CADPS: variants seen among roughly 807,000 people sequenced by gnomAD.
CADPS encodes the protein calcium dependent secretion activator.
Under a neutral mutation model 167.3 loss-of-function variants are expected in CADPS, and 57 were observed. That is an observed-to-expected ratio of 0.34 (90% CI 0.28 to 0.42). The LOEUF is 0.42. CADPS is among the 20% of genes least tolerant of loss of function. The probability of loss-of-function intolerance (pLI) is 1.00; values close to 1 mark genes in which losing one functional copy is unlikely to be tolerated. For synonymous variants in CADPS, 676 were observed against 635.3 expected, an observed-to-expected ratio of 1.06 and a Z score of -0.96; for missense variants, 1,414 against 1,738.1, an observed-to-expected ratio of 0.81 and a Z score of 3.32.
rs180889064 is a variant in CADPS, at chr3:62,529,498, A to T, written c.2291+3373T>A. Among the ~76,000 whole-genome samples the T allele has an allele frequency of 5.0e-4, 76 of 152,320 alleles. 1 individual carries two copies. The highest frequency in any genetic ancestry group is 1.7e-3 in the African/African-American group (70 of 41,584). ...CGTCAGACCTCACCTTCAGGCACCT[A>T]CAACATTCTGCATGCACTTTCTTCC... is the stretch of plus-strand genomic sequence containing the variant. On this transcript the variant is annotated intron_variant, in intron 13 of 29. Coordinates refer to ENST00000383710, the MANE Select transcript of CADPS (RefSeq NM_003716.4).
At chr3:62,773,184 A>G (rs1245796690) in intron 1 of CADPS, among the ~76,000 whole-genome samples, 1 of 152,094 alleles carries the variant, frequency 6.6e-6, no homozygotes, top group East Asian at 1.9e-4. Context: ...TTATTAATAA[A>G]TAAAATATGC....
At chr3:62,850,524 G>A (rs559635011) in intron 1 of CADPS, among the ~76,000 whole-genome samples, 2,392 of 125,730 alleles carry the variant, frequency 0.019, 88 homozygotes, top group African/African-American at 0.065. Flanking sequence ...CCTTCATTTC[G>A]TTATGTACCC....
At chr3:62,657,136 A>C (rs2071831111) in intron 4 of CADPS, among the ~76,000 whole-genome samples, 1 of 152,204 alleles carries the variant, frequency 6.6e-6, no homozygotes, top group Non-Finnish European at 1.5e-5. Flanking sequence ...AGAGGATTCC[A>C]TTTGTATCTG....
chr3:62,411,131 C>G (rs2048879081), intron 28 of CADPS, among the ~76,000 whole-genome samples: 1 of 152,056 alleles, frequency 6.6e-6, no homozygotes, highest in South Asian at 2.1e-4. Context: ...AACAAACAAA[C>G]CCCACCTTTT....
At chr3:62,837,256 G>A (rs1359551756) in intron 1 of CADPS, among the ~76,000 whole-genome samples, 2 of 152,030 alleles carry the variant, frequency 1.3e-5, no homozygotes, top group African/African-American at 2.4e-5. Flanking sequence ...CCCCAAAATC[G>A]CACAGCTTGT....
Position 62,801,609 on chromosome 3 carries a change from TTAA to T in CADPS, c.442-35628_442-35626del, listed in dbSNP as rs554840435. Among the ~76,000 whole-genome samples, 69 of 152,296 alleles carry T rather than the reference TTAA, an allele frequency of 4.5e-4. 1 individual carries two copies. In the South Asian group the frequency reaches 7.7e-3, roughly 17 times the overall value. ...TGTTTTAAATCCAGCAAATTAGATATTAATGTTTGATTTTAATTTGATATTAAT... is the reference window on the plus strand; with the variant it reads ...TGTTTTAAATCCAGCAAATTAGATATTGTTTGATTTTAATTTGATATTAAT... On this transcript the variant is annotated intron_variant, in intron 1 of 29. Coordinates refer to ENST00000383710, the MANE Select transcript of CADPS (RefSeq NM_003716.4).
In CADPS at chr3:62,599,808, A is replaced by ATATAT. The variant is rs1562714926; in HGVS notation, c.1326-7061_1326-7060insATATA. 7.6e-3 allele frequency among the ~76,000 whole-genome samples: 47 copies of ATATAT among 6,146 alleles called. 1 individual carries two copies. The highest frequency in any genetic ancestry group is 8.6e-3 in the Non-Finnish European group (28 of 3,270). 4.0% of individuals were successfully genotyped at this position (6,146 alleles called of 152,430 possible). A position where few individuals can be genotyped will look rare whatever the true frequency, so the allele number is the denominator to read the frequency against. The stretch of plus-strand genomic sequence containing the variant: ...TATATAATATATATAATATATAATA[A>ATATAT]ATAATATATTATATATTATATATAT... On this transcript the variant is annotated intron_variant, in intron 6 of 29. Coordinates refer to ENST00000383710, the MANE Select transcript of CADPS (RefSeq NM_003716.4).
Position 62,544,448 on chromosome 3 carries a change from A to G in CADPS, c.1966+5455T>C, listed in dbSNP as rs1008180737. On this transcript the variant is annotated intron_variant, in intron 11 of 29. Transcript: ENST00000383710. The surrounding 1 kb of genome is among the most constrained non-coding windows in gnomAD (Gnocchi z 4.4). Reference sequence around the variant, plus strand: ...AAAAACAACAACAACAACAACAACAACAGCACATTATCAGAGTGCAAAATG... The same window carrying G: ...AAAAACAACAACAACAACAACAACAGCAGCACATTATCAGAGTGCAAAATG... Among the ~76,000 whole-genome samples, 1 of 152,222 alleles carries G rather than the reference A, an allele frequency of 6.6e-6. No individual in the cohort carries two copies.
intron 6 of CADPS, among the ~76,000 whole-genome samples, chr3:62,609,100 C>T (rs1008778833): frequency 6.6e-6 from 1 of 152,162 alleles, no homozygotes; most frequent in African/African-American, 2.4e-5. Context: ...TCTTTCAATG[C>T]ATTTGACAAT....
At chr3:62,847,090 G>C (rs1487862978) in intron 1 of CADPS, among the ~76,000 whole-genome samples, 1 of 152,130 alleles carries the variant, frequency 6.6e-6, no homozygotes, top group Non-Finnish European at 1.5e-5. Flanking sequence ...TGGGCAGTGA[G>C]AGCCTTTTCT....
intron 27 of CADPS, among the ~76,000 whole-genome samples, chr3:62,441,496 T>C (rs2056307268): frequency 6.6e-6 from 1 of 152,182 alleles, no homozygotes; most frequent in Non-Finnish European, 1.5e-5. Context: ...AAACTACATC[T>C]AAAACAAAGA....
Position 62,474,324 on chromosome 3 carries a change from T to G in CADPS, c.3330-4A>C. 2 of 1,613,008 alleles carry G rather than the reference T, an allele frequency of 1.2e-6. No individual in the cohort carries two copies. Among genetic ancestry groups the G allele is most frequent in the Non-Finnish European group, 1.7e-6 (2 of 1,179,690 alleles). On this transcript the variant is annotated splice_polypyrimidine_tract_variant and splice_region_variant and intron_variant, in intron 23 of 29. Transcript: ENST00000383710. ...AACTTCAAATGCAATCCTGGTTCTATTAAAACAAAGTAGGAAAAGACCAAT... is the reference window on the plus strand; with the variant it reads ...AACTTCAAATGCAATCCTGGTTCTAGTAAAACAAAGTAGGAAAAGACCAAT...
intron 2 of CADPS, among the ~76,000 whole-genome samples, chr3:62,763,504 G>T (rs1260303239): frequency 6.6e-6 from 1 of 152,174 alleles, no homozygotes; most frequent in Non-Finnish European, 1.5e-5. Context: ...CTTTTTTAGG[G>T]TTATCCAGTA....
intron 3 of CADPS, among the ~76,000 whole-genome samples, chr3:62,679,082 T>C (rs985489897): frequency 9.2e-5 from 14 of 151,862 alleles, no homozygotes; most frequent in Admixed American, 9.2e-4. Flanking sequence ...CCTTTAGAGA[T>C]TGGAATTCCT....
At chr3:62,403,322 A>G in intron 28 of CADPS, 137 bp from the exon 29 acceptor site, 1 of 620,284 alleles carries the variant, frequency 1.6e-6, no homozygotes, top group Non-Finnish European at 2.9e-6. Flanking sequence ...GAGAGCATAG[A>G]GTTTAATGAA....
At chr3:62,776,807 A>C (rs1462043501) in intron 1 of CADPS, among the ~76,000 whole-genome samples, 1 of 152,168 alleles carries the variant, frequency 6.6e-6, no homozygotes, top group Non-Finnish European at 1.5e-5. Context: ...CAGTTTGCAG[A>C]GGCAGGGATA....
chr3:62,506,064 G>A lies in CADPS; in HGVS notation c.2599+6687C>T, dbSNP rs1005126527. ...TCATAACTTAAACTTCCAAGCCAGA[G>A]AATAACATCAGGTTTCTTAATGCAA... is the stretch of plus-strand genomic sequence containing the variant. On this transcript the variant is annotated intron_variant, in intron 17 of 29. Coordinates refer to ENST00000383710, the MANE Select transcript of CADPS (RefSeq NM_003716.4). Among the ~76,000 whole-genome samples the A allele has an allele frequency of 1.3e-4, 20 of 152,138 alleles. 1 individual carries two copies. In the South Asian group the frequency reaches 2.1e-3, roughly 16 times the overall value.
At chr3:62,745,410 T>G (rs2081251421) in intron 3 of CADPS, among the ~76,000 whole-genome samples, 1 of 152,180 alleles carries the variant, frequency 6.6e-6, no homozygotes, top group Admixed American at 6.5e-5. Flanking sequence ...ATTGGAAGAT[T>G]GCTGAAATTA....
chr3:62,869,241 T>C (rs902417719), intron 1 of CADPS, among the ~76,000 whole-genome samples: 4 of 152,100 alleles, frequency 2.6e-5, no homozygotes, highest in African/African-American at 9.7e-5. Context: ...ATCTAGCTTT[T>C]TTCATTCTGA....
Sources: gnomAD v4.1 joint callset for allele counts (sites outside exome capture counted in the v4.1 genomes callset) on GRCh38, gnomAD v4.1.1 for gene constraint, Gnocchi (gnomAD v3.1) non-coding constraint, MANE v1.5 for transcripts, NCBI Gene and HGNC (gene_info 2026-07-23, HGNC 2026-07-21) for gene names.